The following FLT1 variants were observed in gnomAD, a reference collection of about 807,000 sequenced individuals.
The protein encoded by FLT1 is vascular endothelial growth factor receptor 1.
A neutral mutation model predicts 156.3 loss-of-function variants in FLT1; 49 were observed. That is an observed-to-expected ratio of 0.31 (90% CI 0.25 to 0.40). The LOEUF (loss-of-function observed/expected upper bound fraction) is 0.40, where lower values mean the gene tolerates loss of function less well. Among genes scored for constraint, FLT1 ranks in the 10% least tolerant of loss-of-function variants. FLT1 has a pLI of 1.00. For missense variants in FLT1, 1,322 were observed against 1,637.2 expected (o/e 0.81, Z 3.32); for synonymous variants, 594 against 583.8 (o/e 1.02, Z -0.25).
chr13:28,386,938 G>A, intron 13 of FLT1: 1 of 1,044,770 alleles, frequency 9.6e-7, no homozygotes, highest in African/African-American at 1.7e-5. Flanking sequence ...ATCTATCACT[G>A]CCCATCGGTC....
intron 25 of FLT1, among the ~76,000 whole-genome samples, chr13:28,314,691 C>T (rs930210518): frequency 1.3e-5 from 2 of 152,212 alleles, no homozygotes; most frequent in Non-Finnish European, 2.9e-5. Flanking sequence ...CCCAGCCCTT[C>T]CTACTGTTAG....
chr13:28,482,000 A>G (rs186652355), intron 1 of FLT1, among the ~76,000 whole-genome samples: 1 of 152,374 alleles, frequency 6.6e-6, no homozygotes, highest in East Asian at 1.9e-4. Flanking sequence ...CATCTTTTAA[A>G]TGAATGTATT....
intron 16 of FLT1, 97 bp downstream of exon 16, chr13:28,345,348 A>G (rs1201015753): frequency 6.7e-6 from 5 of 746,748 alleles, no homozygotes; most frequent in Non-Finnish European, 9.5e-6. Context: ...GAAGGGAAAG[A>G]AAGAGGGTCC....
At chr13:28,416,163 T>C (rs1876636609) in intron 10 of FLT1, among the ~76,000 whole-genome samples, 1 of 152,198 alleles carries the variant, frequency 6.6e-6, no homozygotes, top group Admixed American at 6.5e-5. Context: ...CATTTGTAGA[T>C]GAGGAAACCC....
At chr13:28,397,212 C>T (rs1312719601) in intron 11 of FLT1, 144 bp from the exon 12 acceptor site, 17 of 651,930 alleles carry the variant, frequency 2.6e-5, no homozygotes, top group Non-Finnish European at 4.1e-5. Context: ...CCAGAAGGCT[C>T]TCCCCTTGCC....
chr13:28,486,266 C>T (rs1020253442), intron 1 of FLT1, among the ~76,000 whole-genome samples: 2 of 152,234 alleles, frequency 1.3e-5, no homozygotes, highest in Non-Finnish European at 2.9e-5. Flanking sequence ...CGTGGTTTCA[C>T]ACGATGGGAG....
chr13:28,373,026 G>A (rs1047173838), intron 14 of FLT1, among the ~76,000 whole-genome samples: 5 of 152,148 alleles, frequency 3.3e-5, no homozygotes, highest in Non-Finnish European at 7.3e-5. Context: ...GCAAAACTTT[G>A]TAATATTGAC....
At chr13:28,470,479 G>A (rs768446668) in intron 1 of FLT1, among the ~76,000 whole-genome samples, 13 of 152,200 alleles carry the variant, frequency 8.5e-5, no homozygotes, top group Non-Finnish European at 1.6e-4. Flanking sequence ...AGTTATCTCT[G>A]TGGTCTGTCT....
chr13:28,410,045 C>T (rs1219708365), intron 10 of FLT1, among the ~76,000 whole-genome samples: 1 of 152,224 alleles, frequency 6.6e-6, no homozygotes, highest in Non-Finnish European at 1.5e-5. Flanking sequence ...GAATTCAAGA[C>T]AGGTTCCATT....
Position 28,322,178 on chromosome 13 carries a change from G to A in FLT1, c.3051+84C>T. The A allele has an allele frequency of 1.1e-6, 1 of 887,568 alleles. No homozygotes were observed. The highest frequency in any genetic ancestry group is 1.9e-6 in the Non-Finnish European group (1 of 524,258). 55.0% of individuals were successfully genotyped at this position (887,568 alleles called of 1,614,324 possible). A position where few individuals can be genotyped will look rare whatever the true frequency, so the allele number is the denominator to read the frequency against. On this transcript the variant is annotated intron_variant, in intron 22 of 29. Transcript: ENST00000282397. This position sits in a 1 kb window ranked among gnomAD's most constrained non-coding sequence, Gnocchi z 4.3. ...TCTACATTTAAGAACATAGGTATCA[G>A]CAAATACTAGGAAAAATGAATTTAT...
chr13:28,485,659 G>A (rs909201177), intron 1 of FLT1, among the ~76,000 whole-genome samples: 2 of 152,164 alleles, frequency 1.3e-5, no homozygotes, highest in African/African-American at 4.8e-5. Flanking sequence ...CACGCAGAGA[G>A]GCATCTGCTT....
intron 3 of FLT1, among the ~76,000 whole-genome samples, chr13:28,440,243 T>C (rs138191910): frequency 1.6e-3 from 239 of 152,318 alleles, no homozygotes; most frequent in African/African-American, 5.6e-3. Flanking sequence ...AAATGGATTG[T>C]ATTCATGTCT....
intron 18 of FLT1, among the ~76,000 whole-genome samples, chr13:28,330,453 T>C (rs1042864458): frequency 6.6e-6 from 1 of 151,862 alleles, no homozygotes; most frequent in East Asian, 1.9e-4. Flanking sequence ...ATTTCAACAA[T>C]ATGAGTTGGA....
chr13:28,372,089 T>G (rs1255231490), intron 14 of FLT1, among the ~76,000 whole-genome samples: 2 of 116,010 alleles, frequency 1.7e-5, no homozygotes, highest in Non-Finnish European at 3.5e-5. Flanking sequence ...TTTTTTTTTT[T>G]TTTTTTTTTT....
intron 14 of FLT1, among the ~76,000 whole-genome samples, chr13:28,373,473 G>A (rs1410014816): frequency 6.6e-6 from 1 of 151,984 alleles, no homozygotes; most frequent in Admixed American, 6.6e-5. Context: ...AATTGAATTG[G>A]GCATAGTGGT....
chr13:28,353,598 T>A (rs1169276819), intron 15 of FLT1, among the ~76,000 whole-genome samples: 1 of 152,060 alleles, frequency 6.6e-6, no homozygotes, highest in Non-Finnish European at 1.5e-5. Context: ...AAGAATGTTT[T>A]TATATATATT....
chr13:28,489,635 G>C (rs1024122525), intron 1 of FLT1, among the ~76,000 whole-genome samples: 2 of 152,280 alleles, frequency 1.3e-5, no homozygotes, highest in Admixed American at 6.5e-5. Flanking sequence ...AGGTCTTGCA[G>C]GCAGACGAGC....
intron 29 of FLT1, 124 bp from the exon 30 acceptor site, chr13:28,303,492 A>C (rs1417693909): frequency 4.5e-3 from 2,926 of 643,394 alleles, no homozygotes; most frequent in East Asian, 1.0e-2. Flanking sequence ...TGGTTTTGGA[A>C]CCCCCCCCCC....
At chr13:28,464,612 C>A (rs991005135) in intron 3 of FLT1, among the ~76,000 whole-genome samples, 9 of 152,262 alleles carry the variant, frequency 5.9e-5, no homozygotes, top group African/African-American at 2.2e-4. Context: ...TGGACCGTGC[C>A]ATCACAGGGC....
Sources: allele counts gnomAD v4.1 joint callset (sites outside exome capture counted in the v4.1 genomes callset), GRCh38; gene constraint gnomAD v4.1.1; non-coding constraint Gnocchi (gnomAD v3.1); transcripts MANE v1.5; gene names NCBI Gene and HGNC (gene_info 2026-07-23, HGNC 2026-07-21).